MICAL3: variants seen among roughly 807,000 people sequenced by gnomAD.
MICAL3 encodes the protein [F-actin]-monooxygenase MICAL3.
In MICAL3, 62 loss-of-function variants were observed where a neutral mutation model predicts 207.4. The ratio of observed to expected loss-of-function variants is 0.30; its 90% CI spans 0.24 to 0.37. MICAL3 has a LOEUF of 0.37. MICAL3 is among the 10% of genes least tolerant of loss of function. The pLI, the probability that MICAL3 is intolerant of heterozygous loss-of-function variation, is 1.00. For synonymous variants in MICAL3, 1,077 were observed against 1,069.3 expected, an observed-to-expected ratio of 1.01 and a Z score of -0.14; for missense variants, 2,368 against 2,635.6, an observed-to-expected ratio of 0.90 and a Z score of 2.22.
chr22:17,878,488 T>C (rs976342781), intron 16 of MICAL3, among the ~76,000 whole-genome samples: 11 of 152,296 alleles, frequency 7.2e-5, no homozygotes, highest in African/African-American at 2.6e-4. Flanking sequence ...CGCAGGAAGA[T>C]GGCACTATGA....
intron 1 of MICAL3, among the ~76,000 whole-genome samples, chr22:17,930,610 T>C (rs1933197750): frequency 6.6e-6 from 1 of 152,180 alleles, no homozygotes; most frequent in Non-Finnish European, 1.5e-5. Flanking sequence ...TTTATGTCTA[T>C]GGTGCAGAAG....
intron 25 of MICAL3, among the ~76,000 whole-genome samples, chr22:17,819,636 A>G (rs990040732): frequency 1.3e-5 from 2 of 152,148 alleles, no homozygotes; most frequent in Non-Finnish European, 2.9e-5. Flanking sequence ...AGCCTCAAAC[A>G]AAGCCTCCCC....
Position 17,817,837 on chromosome 22 carries a change from C to T in MICAL3, c.4824G>A (p.Ala1608=), listed in dbSNP as rs770674942. The T allele has an allele frequency of 1.5e-5, 24 of 1,611,574 alleles. 1 individual carries two copies. The Middle Eastern group carries it at 8.2e-4, about 55-fold the overall frequency. ...GCTGCCTGGCCATGGCGTCCCGCAG[C>T]GCCTGGCTCTTCACGGACTTCTCCC... The part of the protein sequence containing the change: ...RAREKSVKSQ[A]LRDAMARQLS... The change falls in exon 26 of 32, where the codon GCG becomes GCA. Residue 1608 remains alanine, a synonymous_variant. Coordinates refer to ENST00000441493, the MANE Select transcript of MICAL3 (RefSeq NM_015241.3).
chr22:17,849,665 TG>T (rs1198252080), intron 19 of MICAL3, among the ~76,000 whole-genome samples: 2 of 139,906 alleles, frequency 1.4e-5, no homozygotes, highest in African/African-American at 5.5e-5. Flanking sequence ...TGTGTGTGTG[TG>T]TGTGTGTGTG....
At chr22:17,874,275 C>T (rs1037164310) in intron 16 of MICAL3, among the ~76,000 whole-genome samples, 4 of 150,990 alleles carry the variant, frequency 2.6e-5, no homozygotes, top group African/African-American at 9.9e-5. Context: ...AGATCTAAAC[C>T]TTCTTTAGGG....
intron 1 of MICAL3, chr22:17,980,721 T>C: frequency 2.3e-6 from 1 of 431,712 alleles, no homozygotes; most frequent in Admixed American, 2.2e-5. Context: ...CCACACCCAC[T>C]TTCTCCAGAG....
chr22:17,873,068 C>T (rs137964201), intron 16 of MICAL3, among the ~76,000 whole-genome samples: 116 of 152,322 alleles, frequency 7.6e-4, no homozygotes, highest in African/African-American at 2.6e-3. Context: ...GGTACCGGCA[C>T]AGGCAGGACG....
At chr22:17,924,539 A>T (rs1478768003) in intron 1 of MICAL3, among the ~76,000 whole-genome samples, 1 of 152,184 alleles carries the variant, frequency 6.6e-6, no homozygotes, top group Non-Finnish European at 1.5e-5. Flanking sequence ...CTCAAAGGAA[A>T]CACTCAATGG....
chr22:17,921,551 C>A (rs910719009), intron 1 of MICAL3, among the ~76,000 whole-genome samples: 1 of 152,116 alleles, frequency 6.6e-6, no homozygotes, highest in Admixed American at 6.5e-5. Flanking sequence ...TGCAGTGGTG[C>A]GATCTCAGCT....
intron 1 of MICAL3, among the ~76,000 whole-genome samples, chr22:17,959,532 C>G (rs1602294725): frequency 6.6e-6 from 1 of 151,846 alleles, no homozygotes; most frequent in African/African-American, 2.4e-5. Context: ...CCAGGCTGGT[C>G]TCAAACTCCT....
chr22:17,919,874 T>A (rs546247915), intron 1 of MICAL3, among the ~76,000 whole-genome samples: 8 of 152,154 alleles, frequency 5.3e-5, no homozygotes, highest in African/African-American at 9.7e-5. Context: ...CTGTTCCCTA[T>A]AAAAAGAAAC....
intron 19 of MICAL3, among the ~76,000 whole-genome samples, chr22:17,848,651 G>A (rs1447819209): frequency 6.6e-6 from 1 of 152,144 alleles, no homozygotes; most frequent in Non-Finnish European, 1.5e-5. Context: ...TACCTGCCTC[G>A]GGGACTTCAC....
rs2061802764 is a variant in MICAL3 at position 17,788,461 on chromosome 22, C to T, written c.*2271G>A. ...GCAAACTGTTTCCCTGTTGTGGGGCCAGCAGGAGCTACAAGGGCCGAAGGC... is the reference window on the plus strand; with the variant it reads ...GCAAACTGTTTCCCTGTTGTGGGGCTAGCAGGAGCTACAAGGGCCGAAGGC... On this transcript the variant is annotated 3_prime_UTR_variant, in exon 32 of 32. Coordinates refer to ENST00000441493, the MANE Select transcript of MICAL3 (RefSeq NM_015241.3). The T allele has an allele frequency of 6.6e-6, 1 of 152,376 alleles. No homozygotes were observed. The highest frequency in any genetic ancestry group is 2.1e-4 in the South Asian group (1 of 4,838). The allele number at this position is 152,376 out of a possible 1,614,324, so 9.4% of individuals were successfully genotyped here. A position where few individuals can be genotyped will look rare whatever the true frequency, so the allele number is the denominator to read the frequency against.
chr22:17,841,975 C>T lies in MICAL3; in HGVS notation c.2648G>A (p.Arg883Gln), dbSNP rs774945533. 12 of 1,606,552 alleles carry T rather than the reference C, an allele frequency of 7.5e-6. No homozygotes were observed. Among genetic ancestry groups the T allele is most frequent in the Admixed American group, 1.7e-5 (1 of 59,908 alleles). The change falls in exon 20 of 32, where the codon CGA becomes CAA. Residue 883 changes from arginine to glutamine, a missense_variant. Arg to Gln is a conservative substitution (Grantham distance 43, BLOSUM62 1). This residue lies in a region of MICAL3 where 1,770 missense variants were observed against 1,863.2 expected (regional missense o/e 0.95). Coordinates refer to ENST00000441493, the MANE Select transcript of MICAL3 (RefSeq NM_015241.3). This position sits in a 1 kb window ranked among gnomAD's most constrained non-coding sequence, Gnocchi z 4.2. ...GATCCGCTCTGGGGTGCCCCTCAGT[C>T]GCTTGGCGATGCTGGGCTCCTCCAG... ...NGLEEPSIAK[R>Q]LRGTPERIEL...
intron 12 of MICAL3, among the ~76,000 whole-genome samples, chr22:17,890,098 T>G (rs975762405): frequency 6.6e-6 from 1 of 152,214 alleles, no homozygotes; most frequent in Admixed American, 6.5e-5. Flanking sequence ...CATTTCCTAC[T>G]GGGTTTAAGC....
Position 17,818,135 on chromosome 22 carries a change from A to G in MICAL3, c.4526T>C (p.Val1509Ala). Residue 1509 changes from valine to alanine, a missense_variant, in exon 26 of 32, where the codon GTG becomes GCG. By Grantham distance (64) the Val-to-Ala change is moderately conservative (BLOSUM62 0). This residue lies in a region of MICAL3 where 1,770 missense variants were observed against 1,863.2 expected (regional missense o/e 0.95). Coordinates refer to ENST00000441493, the MANE Select transcript of MICAL3 (RefSeq NM_015241.3). ...CACGCTCTCCACAAACGACTTCCGC[A>G]CCTCCTCTCTGGGGGGCTGAGCAGG... ...REPAQPPREE[V>A]RKSFVESVEE... The G allele has an allele frequency of 6.2e-7, 1 of 1,608,568 alleles. No individual in the cohort carries two copies.
intron 16 of MICAL3, among the ~76,000 whole-genome samples, chr22:17,880,205 C>T (rs1929289337): frequency 6.6e-6 from 1 of 152,202 alleles, no homozygotes; most frequent in South Asian, 2.1e-4. Flanking sequence ...AGATTCGAGT[C>T]TGGCTGCATT....
intron 17 of MICAL3, among the ~76,000 whole-genome samples, chr22:17,871,328 C>T (rs964948806): frequency 2.0e-5 from 3 of 152,168 alleles, no homozygotes; most frequent in East Asian, 1.9e-4. Context: ...TGCAATGGTT[C>T]GCAATCCACC....
intron 19 of MICAL3, chr22:17,863,458 C>T (rs1459603211): frequency 4.1e-6 from 4 of 985,450 alleles, no homozygotes; most frequent in East Asian, 1.1e-4. Flanking sequence ...TCTGCCCATG[C>T]TCTGAGAGTG....
Sources: gnomAD v4.1 joint callset for allele counts (sites outside exome capture counted in the v4.1 genomes callset) on GRCh38, gnomAD v4.1.1 for gene constraint, gnomAD v4.1.1 regional missense constraint, Gnocchi (gnomAD v3.1) non-coding constraint, MANE v1.5 for transcripts, NCBI Gene and HGNC (gene_info 2026-07-23, HGNC 2026-07-21) for gene names.